The following MYO3B variants were observed in gnomAD, a reference collection of about 807,000 sequenced individuals.
The protein encoded by MYO3B is myosin-IIIb.
In MYO3B, 156 loss-of-function variants were observed where a neutral mutation model predicts 174.6. The observed-to-expected ratio is 0.89, with a 90% CI of 0.78 to 1.02. MYO3B has a LOEUF of 1.02. Ranked by LOEUF, MYO3B falls within the 50% of genes least tolerant of loss-of-function variation. The probability of loss-of-function intolerance (pLI) is 0.00; values close to 1 mark genes in which losing one functional copy is unlikely to be tolerated. For synonymous variants in MYO3B, 563 were observed against 569.1 expected (o/e 0.99, Z 0.15); for missense variants, 1,632 against 1,639.4 (o/e 1.00, Z 0.08).
chr2:170,466,078 A>G (rs1462758375), intron 24 of MYO3B, among the ~76,000 whole-genome samples: 1 of 152,110 alleles, frequency 6.6e-6, no homozygotes, highest in African/African-American at 2.4e-5. Flanking sequence ...CTTATTACCA[A>G]TCGTATCTGT....
In MYO3B at chr2:170,540,217, C is replaced by T. The variant is rs149438285; in HGVS notation, c.3576-2689C>T. Among the ~76,000 whole-genome samples, 154 of 151,870 alleles carry T rather than the reference C, an allele frequency of 1.0e-3. 2 individuals carry two copies. The East Asian group carries it at 0.012, about 12-fold the overall frequency. Reference sequence around the variant, plus strand: ...CACATGCCTGTAGTCCCACCTACTTCGGAGTCTGCAGCGGGAGGATCACTT... The same window carrying T: ...CACATGCCTGTAGTCCCACCTACTTTGGAGTCTGCAGCGGGAGGATCACTT... On this transcript the variant is annotated intron_variant, in intron 30 of 34. Coordinates refer to ENST00000408978, the MANE Select transcript of MYO3B (RefSeq NM_138995.5).
intron 18 of MYO3B, among the ~76,000 whole-genome samples, chr2:170,401,999 G>A (rs937687313): frequency 2.6e-5 from 4 of 152,048 alleles, no homozygotes; most frequent in African/African-American, 9.7e-5. Flanking sequence ...AAGACACAGT[G>A]AGATCCAGGA....
At chr2:170,359,917 C>T (rs1020731697) in intron 8 of MYO3B, among the ~76,000 whole-genome samples, 2 of 151,976 alleles carry the variant, frequency 1.3e-5, no homozygotes, top group African/African-American at 4.8e-5. Flanking sequence ...TGCTGTGGCA[C>T]CATTCACAGT....
intron 8 of MYO3B, among the ~76,000 whole-genome samples, chr2:170,362,558 C>G (rs78116512): frequency 0.015 from 2,266 of 152,120 alleles, 56 homozygotes; most frequent in Middle Eastern, 0.048. Context: ...GCTCTCCATC[C>G]TACCTTCTTG....
At chr2:170,187,651 G>T (rs2092483217) in intron 1 of MYO3B, among the ~76,000 whole-genome samples, 3 of 152,056 alleles carry the variant, frequency 2.0e-5, no homozygotes, top group African/African-American at 7.2e-5. Flanking sequence ...TATCGTGTAG[G>T]TTTTGGTATG....
chr2:170,353,545 T>C (rs943382383), intron 8 of MYO3B, among the ~76,000 whole-genome samples: 1 of 152,118 alleles, frequency 6.6e-6, no homozygotes, highest in Non-Finnish European at 1.5e-5. Flanking sequence ...AGAGTGAACT[T>C]TAATGTAAAC....
At chr2:170,333,926 G>C (rs2105533373) in intron 7 of MYO3B, 1 of 152,304 alleles carries the variant, frequency 6.6e-6, no homozygotes, top group South Asian at 2.1e-4. Flanking sequence ...TGTACCAGTG[G>C]CTTGAAGAAG....
rs1473420662 is a variant in MYO3B at position 170,313,359 on chromosome 2, G to A, written c.750-22026G>A. Among the ~76,000 whole-genome samples, 5 of 152,248 alleles carry A rather than the reference G, an allele frequency of 3.3e-5. No individual in the cohort carries two copies. In the East Asian group the frequency reaches 7.7e-4, roughly 24 times the overall value. On this transcript the variant is annotated intron_variant, in intron 7 of 34. Coordinates refer to ENST00000408978, the MANE Select transcript of MYO3B (RefSeq NM_138995.5). ...CATAGTGCTCAGTAAGTACATGAAAGCTCCCCATATACATACTAAAAAAAA... is the reference window on the plus strand; with the variant it reads ...CATAGTGCTCAGTAAGTACATGAAAACTCCCCATATACATACTAAAAAAAA...
intron 23 of MYO3B, among the ~76,000 whole-genome samples, chr2:170,454,813 AC>A (rs143195516): frequency 2.7e-3 from 408 of 152,262 alleles, no homozygotes; most frequent in African/African-American, 9.4e-3. Context: ...TTTTTTTATT[AC>A]TAAAATCAGA....
intron 7 of MYO3B, among the ~76,000 whole-genome samples, chr2:170,267,770 G>A (rs771869172): frequency 2.0e-5 from 3 of 152,188 alleles, no homozygotes; most frequent in Non-Finnish European, 4.4e-5. Flanking sequence ...TTATTTTCGA[G>A]GACATAGATG....
chr2:170,296,855 G>A (rs1014793448), intron 7 of MYO3B, among the ~76,000 whole-genome samples: 1 of 151,784 alleles, frequency 6.6e-6, no homozygotes, highest in Non-Finnish European at 1.5e-5. Flanking sequence ...AGCCAGAGTG[G>A]GGACAAAAGA....
At chr2:170,276,482 A>G (rs964562039) in intron 7 of MYO3B, among the ~76,000 whole-genome samples, 12 of 152,212 alleles carry the variant, frequency 7.9e-5, no homozygotes, top group African/African-American at 2.2e-4. Context: ...TGTATTTTAT[A>G]TAGCATACAA....
intron 22 of MYO3B, among the ~76,000 whole-genome samples, chr2:170,420,223 GAAAC>G (rs773702621): frequency 6.6e-4 from 101 of 151,978 alleles, no homozygotes; most frequent in Admixed American, 1.6e-3. Flanking sequence ...ACAAAAAACA[GAAAC>G]AAACAAAACA....
intron 7 of MYO3B, among the ~76,000 whole-genome samples, chr2:170,259,006 G>T (rs1338467778): frequency 6.6e-6 from 1 of 152,126 alleles, no homozygotes; most frequent in East Asian, 1.9e-4. Flanking sequence ...AACCAAGGAG[G>T]TGAAAGATCT....
At chr2:170,624,639 G>C (rs1180063338) in intron 32 of MYO3B, among the ~76,000 whole-genome samples, 1 of 152,150 alleles carries the variant, frequency 6.6e-6, no homozygotes, top group African/African-American at 2.4e-5. Flanking sequence ...TCCTTGTCTT[G>C]TGCCAGCTTT....
At chr2:170,633,222 A>G (rs559960400) in intron 32 of MYO3B, among the ~76,000 whole-genome samples, 4 of 152,368 alleles carry the variant, frequency 2.6e-5, no homozygotes, top group South Asian at 4.1e-4. Context: ...GAAATCCTCA[A>G]TAAAATACTG....
At chr2:170,498,786 T>A in intron 26 of MYO3B, 83 bp downstream of exon 26, 1 of 868,054 alleles carries the variant, frequency 1.2e-6, no homozygotes, top group Non-Finnish European at 1.9e-6. Context: ...AATGGCTCTG[T>A]AAGTTGTGTA....
At chr2:170,424,604 G>C (rs558685873) in intron 22 of MYO3B, among the ~76,000 whole-genome samples, 1 of 151,536 alleles carries the variant, frequency 6.6e-6, no homozygotes, top group African/African-American at 2.4e-5. Context: ...GGAAGACTCC[G>C]CCTCAAAAAA....
intron 8 of MYO3B, among the ~76,000 whole-genome samples, chr2:170,355,928 C>T (rs994458589): frequency 6.6e-6 from 1 of 151,704 alleles, no homozygotes; most frequent in Non-Finnish European, 1.5e-5. Context: ...TGTAAGGCAT[C>T]AGTTTATTTA....
Sources: allele counts gnomAD v4.1 joint callset (sites outside exome capture counted in the v4.1 genomes callset), GRCh38; gene constraint gnomAD v4.1.1; transcripts MANE v1.5; gene names NCBI Gene and HGNC (gene_info 2026-07-23, HGNC 2026-07-21).